Variants in MKS1 observed in about 807,000 individuals in gnomAD.
MKS1 encodes the protein tectonic-like complex member MKS1.
MKS1 carries 70 observed loss-of-function variants against 83.7 expected under a neutral mutation model. The observed-to-expected ratio is 0.84, with a 90% CI of 0.69 to 1.02. MKS1 has a LOEUF of 1.02. Among genes scored for constraint, MKS1 ranks in the 50% least tolerant of loss-of-function variants. The pLI, the probability that MKS1 is intolerant of heterozygous loss-of-function variation, is 0.00. For missense variants in MKS1, 681 were observed against 726.9 expected (o/e 0.94, Z 0.73); for synonymous variants, 251 against 273.4 (o/e 0.92, Z 0.81).
chr17:58,214,561 C>T (rs1969079280), intron 5 of MKS1, among the ~76,000 whole-genome samples, 174 bp from the exon 6 acceptor site: 1 of 152,126 alleles, frequency 6.6e-6, no homozygotes, highest in Non-Finnish European at 1.5e-5. Flanking sequence ...CTCTGAGGCA[C>T]TTTGGAAAAA....
In MKS1 at chr17:58,216,183, G is replaced by A. The variant is rs201476674; in HGVS notation, c.322C>T (p.Arg108Cys). 35 of 1,614,032 alleles carry A rather than the reference G, an allele frequency of 2.2e-5. No homozygotes were observed. The Admixed American group carries it at 3.8e-4, about 18-fold the overall frequency. The change falls in exon 4 of 18, where the codon CGT becomes TGT. Residue 108 changes from arginine (R) to cysteine (C), a missense_variant. Physicochemically the swap from Arg to Cys is radical, Grantham distance 180 (BLOSUM62 -3). Coordinates refer to ENST00000393119, the MANE Select transcript of MKS1 (RefSeq NM_017777.4). Reference protein sequence around the residue: ...ACQSPLDYQYRQEILKLENSG... With the variant: ...ACQSPLDYQYCQEILKLENSG... ...TTCTCCAGCTTCAGGATCTCCTGACGGTACTGATAATCCAAAGGACTCTGA... is the reference window on the plus strand; with the variant it reads ...TTCTCCAGCTTCAGGATCTCCTGACAGTACTGATAATCCAAAGGACTCTGA...
At position 58,209,749 on chromosome 17, in the gene MKS1, T is replaced by A. The variant is rs1004835538; in HGVS notation, c.1024+910A>T. Among the ~76,000 whole-genome samples the A allele has an allele frequency of 1.3e-5, 2 of 152,310 alleles. No individual in the cohort carries two copies. Among genetic ancestry groups the A allele is most frequent in the Admixed American group, 1.3e-4 (2 of 15,302 alleles). On this transcript the variant is annotated intron_variant, in intron 11 of 17. Transcript: ENST00000393119. The surrounding 1 kb of genome is among the most constrained non-coding windows in gnomAD (Gnocchi z 4.1). Reference sequence around the variant, plus strand: ...TTTTACTCTAAGTGGGAGGGGAAGCTGTTGGGGTTTTCAGCTCAAAAGGGA... The same window carrying A: ...TTTTACTCTAAGTGGGAGGGGAAGCAGTTGGGGTTTTCAGCTCAAAAGGGA...
intron 1 of MKS1, 168 bp from the exon 2 acceptor site, chr17:58,218,897 G>C (rs1344255346): frequency 3.8e-5 from 31 of 823,364 alleles, no homozygotes; most frequent in Non-Finnish European, 5.0e-5. Flanking sequence ...AAGAATGAAG[G>C]GGAGAGGGTG....
chr17:58,207,885 A>G lies in MKS1; in HGVS notation c.1273+9T>C. 1 of 1,611,276 alleles carries G rather than the reference A, an allele frequency of 6.2e-7. No homozygotes were observed. Among genetic ancestry groups the G allele is most frequent in the Non-Finnish European group, 8.5e-7 (1 of 1,177,474 alleles). On this transcript the variant is annotated intron_variant, in intron 14 of 17. Coordinates refer to ENST00000393119, the MANE Select transcript of MKS1 (RefSeq NM_017777.4). ...TGTGGGCCACAGAAGGGCAGAGACG[A>G]GCGGTTACCTGGAGTGGCAGGCAGC...
rs201182520 is a variant in MKS1 at position 58,207,056 on chromosome 17, C to T, written c.1407+29G>A. On this transcript the variant is annotated intron_variant, in intron 15 of 17. Transcript: ENST00000393119. ...GAAGGACAGGACCATAAGTTCTCAG[C>T]GTGAAGTCACTCCAAAGACAAAAGT... 1.5e-5 allele frequency: 24 copies of T among 1,614,048 alleles called. No individual in the cohort carries two copies. The Middle Eastern group carries it at 4.9e-4, about 33-fold the overall frequency.
intron 12 of MKS1, 138 bp from the exon 13 acceptor site, chr17:58,208,312 G>C: frequency 2.1e-6 from 2 of 964,910 alleles, no homozygotes; most frequent in Non-Finnish European, 3.2e-6. Flanking sequence ...AGATGCAAAA[G>C]GACACCCAAA....
rs745518012 is a variant in MKS1 at position 58,218,619 on chromosome 17, C to T, written c.190+1G>A. 1.3e-6 allele frequency: 2 copies of T among 1,597,258 alleles called. No homozygotes were observed. Among genetic ancestry groups the T allele is most frequent in the South Asian group, 2.2e-5 (2 of 90,718 alleles). ...TGGCACATCACCACCGTAACACCCA[C>T]TGGCAGTTGGCTGAGGCCTAAAAGT... On this transcript the variant is annotated splice_donor_variant, in intron 2 of 17. Transcript: ENST00000393119. LOFTEE classifies it high-confidence loss of function.
Position 58,208,538 on chromosome 17 carries a change from G to A in MKS1, c.1070C>T (p.Thr357Ile), listed in dbSNP as rs774391311. 2 of 1,614,158 alleles carry A rather than the reference G, an allele frequency of 1.2e-6. No homozygotes were observed. Residue 357 changes from threonine to isoleucine, a missense_variant, in exon 12 of 18, where the codon ACC becomes ATC. Transcript: ENST00000393119. ...AFQQLSGVTQTCTTKSLAMDK... is the reference protein window; with the variant it reads ...AFQQLSGVTQICTTKSLAMDK... ...CATTGCCAGGGACTTGGTGGTGCAG[G>A]TCTGTGTTACTCCTGAGAGCTGCTG... is the stretch of plus-strand genomic sequence containing the variant.
Position 58,218,692 on chromosome 17 carries a change from G to A in MKS1, c.118C>T (p.His40Tyr), listed in dbSNP as rs199832333. The A allele has an allele frequency of 6.6e-4, 1,060 of 1,614,002 alleles. 1 individual carries two copies. Among genetic ancestry groups the A allele is most frequent in the Non-Finnish European group, 8.4e-4 (990 of 1,179,940 alleles). Residue 40 changes from histidine to tyrosine, a missense_variant, in exon 2 of 18, where the codon CAT (histidine) becomes TAT (tyrosine). Around this residue, in one of 3 missense-constraint regions of MKS1, gnomAD observed 365 missense variants for 383.8 expected, o/e 0.95. Coordinates refer to ENST00000393119, the MANE Select transcript of MKS1 (RefSeq NM_017777.4). ...CCGAGCTCGGCAGCAGGCTGATAAT[G>A]AAGAAAGTTGCTTGATGTGATTCTT... is the stretch of plus-strand genomic sequence containing the variant. ...LQRITSSNFL[H>Y]YQPAAELGKD...
chr17:58,207,803 T>C, intron 14 of MKS1, 91 bp downstream of exon 14: 2 of 1,215,952 alleles, frequency 1.6e-6, no homozygotes, highest in Non-Finnish European at 2.4e-6. Flanking sequence ...TTCCCAATTA[T>C]CTCCACCCCT....
chr17:58,210,241 G>C lies in MKS1; in HGVS notation c.1024+418C>G, dbSNP rs537307037. On this transcript the variant is annotated intron_variant, in intron 11 of 17. Transcript: ENST00000393119. ...GCTAGAGGCAGAAACCTGGGAGTCT[G>C]AGACGTATTGATGGTATTTAAGCCA... is the stretch of plus-strand genomic sequence containing the variant. Among the ~76,000 whole-genome samples the C allele has an allele frequency of 9.2e-5, 14 of 152,336 alleles. No homozygotes were observed. The South Asian group carries it at 2.9e-3, about 32-fold the overall frequency.
At position 58,205,970 on chromosome 17, in the gene MKS1, TCAG is replaced by T. The variant is rs1211049648; in HGVS notation, c.*106_*108del. 10 of 1,534,770 alleles carry T rather than the reference TCAG, an allele frequency of 6.5e-6. No homozygotes were observed. The highest frequency in any genetic ancestry group is 8.7e-6 in the Non-Finnish European group (10 of 1,143,928). ...GGGAATTTCCCAGCTTTTCTGGTTC[TCAG>T]CAGACCAACGTGGTCTCTAATCAGA... is the stretch of plus-strand genomic sequence containing the variant. On this transcript the variant is annotated 3_prime_UTR_variant, in exon 18 of 18. Coordinates refer to ENST00000393119, the MANE Select transcript of MKS1 (RefSeq NM_017777.4).
At chr17:58,215,643 A>G (rs1020476880) in intron 4 of MKS1, 9 of 197,024 alleles carry the variant, frequency 4.6e-5, no homozygotes, top group Non-Finnish European at 8.5e-5. Flanking sequence ...TATTTTTGTC[A>G]TAGGCAAATT....
chr17:58,216,642 A>G (rs904501789), intron 3 of MKS1, 24 bp downstream of exon 3: 1 of 1,611,996 alleles, frequency 6.2e-7, no homozygotes, highest in African/African-American at 1.3e-5. Flanking sequence ...GAATAGACAG[A>G]GAAGACAAGA....
rs1968639063 is a variant in MKS1, at chr17:58,208,094, G to A, written c.1165+11C>T. On this transcript the variant is annotated intron_variant, in intron 13 of 17. Coordinates refer to ENST00000393119, the MANE Select transcript of MKS1 (RefSeq NM_017777.4). ...GAACCAAGGCCCAGGATCAACTGCT[G>A]AGCTACTCACCAGAAGATTCATCCT... 2.5e-6 allele frequency: 4 copies of A among 1,612,574 alleles called. No individual in the cohort carries two copies. Among genetic ancestry groups the A allele is most frequent in the African/African-American group, 2.7e-5 (2 of 74,868 alleles).
chr17:58,219,119 A>G (rs1220848096), intron 1 of MKS1, 32 bp downstream of exon 1: 2 of 1,549,820 alleles, frequency 1.3e-6, no homozygotes, highest in Non-Finnish European at 8.7e-7. Flanking sequence ...ACACAAAAGC[A>G]TGGGGCCTCG....
chr17:58,215,937 G>C, intron 4 of MKS1, 151 bp downstream of exon 4: 2 of 942,084 alleles, frequency 2.1e-6, no homozygotes, highest in Non-Finnish European at 3.4e-6. Context: ...TCTATTCCAG[G>C]CTGGCTGCCA....
chr17:58,210,184 A>T (rs996954564), intron 11 of MKS1, among the ~76,000 whole-genome samples: 1 of 152,162 alleles, frequency 6.6e-6, no homozygotes, highest in African/African-American at 2.4e-5. Flanking sequence ...AGGTAACTGG[A>T]TATGAGTCTG....
In MKS1 at chr17:58,216,643, GAAGAC is replaced by G. The variant is rs773740963; in HGVS notation, c.261+18_261+22del. The G allele has an allele frequency of 1.2e-6, 2 of 1,612,322 alleles. No individual in the cohort carries two copies. The highest frequency in any genetic ancestry group is 1.7e-5 in the Admixed American group (1 of 60,018). On this transcript the variant is annotated intron_variant, in intron 3 of 17. Coordinates refer to ENST00000393119, the MANE Select transcript of MKS1 (RefSeq NM_017777.4). Reference sequence around the variant, plus strand: ...AGGTAGACCAGATGGAATAGACAGAGAAGACAAGAGACACTGGCTCACCTGGCTAA... The same window carrying G: ...AGGTAGACCAGATGGAATAGACAGAGAAGAGACACTGGCTCACCTGGCTAA...
Sources: gnomAD v4.1 joint callset for allele counts (sites outside exome capture counted in the v4.1 genomes callset) on GRCh38, gnomAD v4.1.1 for gene constraint, gnomAD v4.1.1 regional missense constraint, Gnocchi (gnomAD v3.1) non-coding constraint, MANE v1.5 for transcripts, NCBI Gene and HGNC (gene_info 2026-07-23, HGNC 2026-07-21) for gene names.